Variants in ADK observed in about 807,000 individuals in gnomAD.
ADK encodes the protein adenosine kinase, also known as N6,N6-dimethyladenosine kinase.
Under a neutral mutation model 44.7 loss-of-function variants are expected in ADK, and 24 were observed. The observed-to-expected ratio is 0.54, with a 90% CI of 0.39 to 0.76. The LOEUF (loss-of-function observed/expected upper bound fraction) is 0.76, where lower values mean the gene tolerates loss of function less well. ADK is among the 30% of genes least tolerant of loss of function. The pLI is 0.00. For synonymous variants in ADK, 128 were observed against 142.6 expected, an observed-to-expected ratio of 0.90 and a Z score of 0.73; for missense variants, 321 against 425.1, an observed-to-expected ratio of 0.76 and a Z score of 2.15.
chr10:74,216,452 C>T (rs181521761), intron 2 of ADK, among the ~76,000 whole-genome samples: 1 of 152,170 alleles, frequency 6.6e-6, no homozygotes, highest in East Asian at 1.9e-4. Context: ...AGGCCAGGTG[C>T]AGTGGCTCGC....
At chr10:74,415,454 A>G (rs893320176) in intron 6 of ADK, among the ~76,000 whole-genome samples, 1 of 152,232 alleles carries the variant, frequency 6.6e-6, no homozygotes, top group Non-Finnish European at 1.5e-5. Flanking sequence ...TAAACAATCA[A>G]GTGTCTACAG....
intron 2 of ADK, among the ~76,000 whole-genome samples, chr10:74,202,184 A>G (rs1014709906): frequency 6.6e-6 from 1 of 152,198 alleles, no homozygotes; most frequent in Non-Finnish European, 1.5e-5. Flanking sequence ...AAATGGAATC[A>G]TATAATAATA....
intron 1 of ADK, chr10:74,176,963 C>T (rs1382353806): frequency 6.3e-7 from 1 of 1,584,824 alleles, no homozygotes; most frequent in Non-Finnish European, 8.6e-7. Context: ...GTCGCTCCTT[C>T]TCGCGGGTGG....
At chr10:74,262,010 A>G (rs759399023) in intron 3 of ADK, among the ~76,000 whole-genome samples, 3 of 151,990 alleles carry the variant, frequency 2.0e-5, no homozygotes, top group East Asian at 1.9e-4. Flanking sequence ...GGATTTTTCA[A>G]GTTTTCCACC....
intron 1 of ADK, among the ~76,000 whole-genome samples, chr10:74,187,166 T>C (rs1051323975): frequency 3.9e-5 from 6 of 152,182 alleles, no homozygotes; most frequent in Non-Finnish European, 7.4e-5. Flanking sequence ...ATGGTTTTTG[T>C]TTATATTTCC....
chr10:74,657,162 C>T (rs910176339), intron 9 of ADK, among the ~76,000 whole-genome samples: 6 of 152,192 alleles, frequency 3.9e-5, no homozygotes, highest in African/African-American at 7.2e-5. Flanking sequence ...TTGGCTGAGA[C>T]GACAGGTGTG....
At chr10:74,488,127 C>T (rs944314599) in intron 6 of ADK, among the ~76,000 whole-genome samples, 1 of 151,784 alleles carries the variant, frequency 6.6e-6, no homozygotes, top group Non-Finnish European at 1.5e-5. Context: ...TACAAGACAA[C>T]GGCCTGGACT....
At chr10:74,512,775 A>T (rs1848392813) in intron 6 of ADK, among the ~76,000 whole-genome samples, 1 of 150,644 alleles carries the variant, frequency 6.6e-6, no homozygotes, top group Non-Finnish European at 1.5e-5. Context: ...TTCTACACTG[A>T]TCATTATTAT....
intron 7 of ADK, among the ~76,000 whole-genome samples, chr10:74,566,680 A>C (rs946228003): frequency 1.3e-5 from 2 of 152,252 alleles, no homozygotes; most frequent in African/African-American, 4.8e-5. Flanking sequence ...GGATTTTAAT[A>C]CTAGTGATGA....
intron 3 of ADK, among the ~76,000 whole-genome samples, chr10:74,290,690 T>A (rs1264446325): frequency 1.3e-5 from 2 of 152,142 alleles, no homozygotes; most frequent in Non-Finnish European, 2.9e-5. Flanking sequence ...TTGTTTTAGG[T>A]TTTTCTTCTT....
intron 9 of ADK, among the ~76,000 whole-genome samples, chr10:74,643,078 G>A (rs1853928973): frequency 1.3e-5 from 2 of 151,748 alleles, no homozygotes; most frequent in Non-Finnish European, 1.5e-5. Flanking sequence ...CTGGCCTCAA[G>A]CAATCCACCC....
chr10:74,511,600 T>G (rs1848328404), intron 6 of ADK, among the ~76,000 whole-genome samples: 1 of 152,226 alleles, frequency 6.6e-6, no homozygotes, highest in Admixed American at 6.5e-5. Flanking sequence ...CTTGTTCAAC[T>G]ACTTTGTTGT....
At chr10:74,590,250 C>G (rs879645400) in intron 8 of ADK, among the ~76,000 whole-genome samples, 2 of 152,016 alleles carry the variant, frequency 1.3e-5, no homozygotes, top group Non-Finnish European at 2.9e-5. Context: ...TAACCACAGC[C>G]GAAATGTAGG....
chr10:74,357,669 C>T (rs929983948), intron 4 of ADK, among the ~76,000 whole-genome samples: 2 of 151,900 alleles, frequency 1.3e-5, no homozygotes, highest in East Asian at 1.9e-4. Flanking sequence ...AAACCTGAAG[C>T]GCTTTCTATG....
intron 6 of ADK, among the ~76,000 whole-genome samples, chr10:74,491,653 A>G (rs1438366675): frequency 6.6e-6 from 1 of 152,198 alleles, no homozygotes; most frequent in East Asian, 1.9e-4. Context: ...AAATTTTGTT[A>G]TATCTTCATA....
At chr10:74,328,012 G>A (rs1471229738) in intron 4 of ADK, among the ~76,000 whole-genome samples, 3 of 152,092 alleles carry the variant, frequency 2.0e-5, no homozygotes, top group East Asian at 1.9e-4. Flanking sequence ...GGGTTCAAGC[G>A]ATTCTCATGC....
At chr10:74,692,956 CT>C (rs1039948423) in intron 10 of ADK, among the ~76,000 whole-genome samples, 43 of 152,058 alleles carry the variant, frequency 2.8e-4, no homozygotes, top group African/African-American at 1.0e-3. Context: ...ACTATGGAGA[CT>C]GTAAAAAAGT....
chr10:74,708,421 T>G lies in ADK; in HGVS notation c.1065T>G (p.Phe355Leu). ...SIIIRRTGCT[F>L]PEKPDFH ...TAATTAGACGGACTGGCTGCACCTT[T>G]CCTGAGAAGCCAGACTTCCACTGAT... The change falls in exon 11 of 11, where the codon TTT becomes TTG. Residue 355 changes from phenylalanine (F) to leucine (L), a missense_variant. Coordinates refer to ENST00000539909, the MANE Select transcript of ADK (RefSeq NM_006721.4). 3 of 1,612,322 alleles carry G rather than the reference T, an allele frequency of 1.9e-6. No homozygotes were observed. Among genetic ancestry groups the G allele is most frequent in the Non-Finnish European group, 2.5e-6 (3 of 1,179,532 alleles).
chr10:74,225,870 A>G (rs1024817509), intron 3 of ADK, among the ~76,000 whole-genome samples: 3 of 152,156 alleles, frequency 2.0e-5, no homozygotes, highest in African/African-American at 7.2e-5. Context: ...TATTATTTAT[A>G]GGTCTGGTAA....
Sources: allele counts gnomAD v4.1 joint callset (sites outside exome capture counted in the v4.1 genomes callset), GRCh38; gene constraint gnomAD v4.1.1; transcripts MANE v1.5; gene names NCBI Gene and HGNC (gene_info 2026-07-23, HGNC 2026-07-21).